Variants in CDK13 observed in about 807,000 individuals in gnomAD.
The protein encoded by CDK13 is cyclin dependent kinase 13.
In CDK13, 40 loss-of-function variants were observed where a neutral mutation model predicts 137.6. The observed-to-expected ratio is 0.29, with a 90% CI of 0.23 to 0.38. The LOEUF (loss-of-function observed/expected upper bound fraction) is 0.38. CDK13 is among the 10% of genes least tolerant of loss of function. The pLI is 1.00. For missense variants in CDK13, 1,704 were observed against 1,951.8 expected, an observed-to-expected ratio of 0.87 and a Z score of 2.39; for synonymous variants, 869 against 760.1, an observed-to-expected ratio of 1.14 and a Z score of -2.36.
In CDK13 at chr7:39,952,071, C is replaced by T. The variant is rs116746969; in HGVS notation, c.1211+219C>T. The stretch of plus-strand genomic sequence containing the variant: ...CAACTGGGCGAAGGGAACTTTTCTC[C>T]TAGCTGTGGCAGGGAAGATTTCTAA... On this transcript the variant is annotated intron_variant, in intron 1 of 13. Coordinates refer to ENST00000181839, the MANE Select transcript of CDK13 (RefSeq NM_003718.5). 1.5e-3 allele frequency: 604 copies of T among 405,488 alleles called. 4 individuals are homozygous for T. Among genetic ancestry groups the T allele is most frequent in the African/African-American group, 0.011 (536 of 48,874 alleles). The allele number at this position is 405,488 out of a possible 1,614,324, so 25.1% of individuals were successfully genotyped here.
chr7:40,019,193 C>CTTAA (rs1202762321), intron 5 of CDK13, among the ~76,000 whole-genome samples: 3 of 152,128 alleles, frequency 2.0e-5, no homozygotes, highest in Non-Finnish European at 4.4e-5. Flanking sequence ...TATTTACTGT[C>CTTAA]TTAATAGTAG....
At chr7:39,961,516 T>A (rs1362843187) in intron 1 of CDK13, among the ~76,000 whole-genome samples, 1 of 152,182 alleles carries the variant, frequency 6.6e-6, no homozygotes, top group Non-Finnish European at 1.5e-5. Flanking sequence ...TCCTCTCCCC[T>A]AGACCCTGGT....
chr7:40,089,254 C>CT (rs1786861716), intron 12 of CDK13, among the ~76,000 whole-genome samples: 1 of 150,398 alleles, frequency 6.6e-6, no homozygotes, highest in Admixed American at 6.7e-5. Context: ...AGACAACTTC[C>CT]TGAAACTCTG....
intron 1 of CDK13, among the ~76,000 whole-genome samples, chr7:39,959,841 GTTTT>G (rs34837261): frequency 8.1e-6 from 1 of 123,954 alleles, no homozygotes; most frequent in African/African-American, 3.1e-5. Flanking sequence ...CTACTAACTT[GTTTT>G]TTTTTTTTTT....
chr7:40,073,573 T>A (rs1353210632), intron 9 of CDK13: 2 of 151,502 alleles, frequency 1.3e-5, no homozygotes, highest in Non-Finnish European at 2.9e-5. Flanking sequence ...TCTTTTTCTT[T>A]CTTTTTCTTT....
chr7:40,039,271 T>TAGAG (rs905005743), intron 5 of CDK13, among the ~76,000 whole-genome samples: 2 of 150,654 alleles, frequency 1.3e-5, no homozygotes, highest in Non-Finnish European at 3.0e-5. Flanking sequence ...TATATACAGA[T>TAGAG]AGAGAGAGAG....
intron 9 of CDK13, among the ~76,000 whole-genome samples, chr7:40,074,951 T>G (rs1045260849): frequency 5.9e-5 from 9 of 152,198 alleles, no homozygotes; most frequent in Non-Finnish European, 1.2e-4. Flanking sequence ...ATAGAAATAT[T>G]AAGCATTGTA....
In CDK13 at chr7:39,966,887, T is replaced by C. The variant is rs546080286; in HGVS notation, c.1211+15035T>C. On this transcript the variant is annotated intron_variant, in intron 1 of 13. Transcript: ENST00000181839. ...TTTGCTGGAGGTCCACTCCAGACCC[T>C]GTTTGCCTGGGTATCAGCAGCGGAG... Among the ~76,000 whole-genome samples, 6 of 152,290 alleles carry C rather than the reference T, an allele frequency of 3.9e-5. No individual in the cohort carries two copies. The East Asian group carries it at 9.7e-4, about 25-fold the overall frequency.
intron 1 of CDK13, among the ~76,000 whole-genome samples, chr7:39,964,166 A>G (rs915333065): frequency 1.8e-4 from 27 of 152,138 alleles, no homozygotes; most frequent in African/African-American, 3.1e-4. Context: ...CTCTTTTTCT[A>G]TTGATTGGAA....
At chr7:39,988,380 T>G (rs886496395) in intron 2 of CDK13, 122 bp downstream of exon 2, 2 of 648,242 alleles carry the variant, frequency 3.1e-6, no homozygotes, top group African/African-American at 3.7e-5. Context: ...TACAAGTGAA[T>G]GAATTTTCTT....
chr7:39,977,828 T>G (rs536332508), intron 1 of CDK13, among the ~76,000 whole-genome samples: 4 of 152,122 alleles, frequency 2.6e-5, no homozygotes, highest in Admixed American at 2.6e-4. Context: ...TGTGGAATAG[T>G]AGCTATGGGG....
intron 1 of CDK13, among the ~76,000 whole-genome samples, chr7:39,961,972 T>C (rs1783752337): frequency 1.3e-5 from 2 of 152,164 alleles, no homozygotes; most frequent in African/African-American, 4.8e-5. Context: ...GAACTCATCA[T>C]TTTTTATGGC....
At chr7:40,040,323 A>G (rs1424338339) in intron 5 of CDK13, among the ~76,000 whole-genome samples, 2 of 152,228 alleles carry the variant, frequency 1.3e-5, no homozygotes, top group Non-Finnish European at 2.9e-5. Flanking sequence ...TTGATATGCC[A>G]TCTTTATCAT....
chr7:40,072,508 T>C (rs1221663435), intron 9 of CDK13: 2 of 152,216 alleles, frequency 1.3e-5, no homozygotes, highest in Non-Finnish European at 2.9e-5. Flanking sequence ...CCTGTTAATA[T>C]AGTTTGTTGC....
rs550970196 is a variant in CDK13, at chr7:40,033,347, A to C, written c.2354-12489A>C. Among the ~76,000 whole-genome samples, 9 of 152,258 alleles carry C rather than the reference A, an allele frequency of 5.9e-5. 1 individual carries two copies. Among genetic ancestry groups the C allele is most frequent in the Middle Eastern group, 6.8e-3 (2 of 294 alleles). On this transcript the variant is annotated intron_variant, in intron 5 of 13. Transcript: ENST00000181839. Reference sequence around the variant, plus strand: ...TTTCCATTAGAGCTCTAGGAATATTAATTAGAGCTTTAAAAAAATTAGTAG... The same window carrying C: ...TTTCCATTAGAGCTCTAGGAATATTCATTAGAGCTTTAAAAAAATTAGTAG...
intron 1 of CDK13, among the ~76,000 whole-genome samples, chr7:39,954,933 T>G (rs1281919946): frequency 6.6e-6 from 1 of 152,214 alleles, no homozygotes; most frequent in Non-Finnish European, 1.5e-5. Flanking sequence ...GAAGCTTTTT[T>G]TGATGTCAGA....
In CDK13 at chr7:40,098,470, G is replaced by T. The variant is rs1471578980; in HGVS notation, c.*3490G>T. On this transcript the variant is annotated 3_prime_UTR_variant, in exon 14 of 14. Transcript: ENST00000181839. ...GGACATAGGTAAAAAAAACAAAGCT[G>T]AAATATATGTTTTGAATATAGATAG... 6.6e-6 allele frequency: 1 copy of T among 150,708 alleles called. No homozygotes were observed. The highest frequency in any genetic ancestry group is 1.5e-5 in the Non-Finnish European group (1 of 67,750). The allele number at this position is 150,708 out of a possible 1,614,324, so 9.3% of individuals were successfully genotyped here.
At chr7:40,085,398 CT>C (rs1405652607) in intron 11 of CDK13, among the ~76,000 whole-genome samples, 2 of 151,800 alleles carry the variant, frequency 1.3e-5, no homozygotes, top group Non-Finnish European at 2.9e-5. Flanking sequence ...AAAATAATCT[CT>C]TACTTTTAAA....
intron 11 of CDK13, among the ~76,000 whole-genome samples, chr7:40,083,678 T>G (rs113634243): frequency 9.2e-5 from 14 of 152,282 alleles, no homozygotes; most frequent in African/African-American, 3.1e-4. Flanking sequence ...TCAGACTTAA[T>G]TTTATCAGAA....
Sources: gnomAD v4.1 joint callset for allele counts (sites outside exome capture counted in the v4.1 genomes callset) on GRCh38, gnomAD v4.1.1 for gene constraint, MANE v1.5 for transcripts, NCBI Gene and HGNC (gene_info 2026-07-23, HGNC 2026-07-21) for gene names.